The following RYR2 variants were observed in gnomAD, a reference collection of about 807,000 sequenced individuals.
RYR2 encodes the protein cardiac muscle ryanodine receptor-calcium release channel.
RYR2 carries 227 observed loss-of-function variants against 601.1 expected under a neutral mutation model. The ratio of observed to expected loss-of-function variants is 0.38; its 90% CI spans 0.34 to 0.42. The LOEUF is 0.42. Ranked by LOEUF, RYR2 falls within the 10% of genes least tolerant of loss-of-function variation. The pLI is 1.00. For synonymous variants in RYR2, 2,223 were observed against 2,175.1 expected (o/e 1.02, Z -0.61); for missense variants, 4,646 against 6,156.5 (o/e 0.75, Z 8.21).
At chr1:237,687,743 T>C (rs1686559344) in intron 63 of RYR2, among the ~76,000 whole-genome samples, 2 of 152,192 alleles carry the variant, frequency 1.3e-5, no homozygotes, top group African/African-American at 2.4e-5. Flanking sequence ...AAAAGACTAT[T>C]ATTAAAGAGC....
intron 29 of RYR2, among the ~76,000 whole-genome samples, chr1:237,585,448 C>T (rs893061138): frequency 1.3e-5 from 2 of 152,130 alleles, no homozygotes; most frequent in African/African-American, 4.8e-5. Context: ...CTCTTCATTA[C>T]GCAGGATACT....
intron 86 of RYR2, among the ~76,000 whole-genome samples, chr1:237,773,160 C>T (rs1372289658): frequency 2.0e-5 from 3 of 152,114 alleles, no homozygotes; most frequent in African/African-American, 7.2e-5. Context: ...AAGATTGTTC[C>T]ATGATTCATC....
At chr1:237,170,463 C>G (rs1418267330) in intron 1 of RYR2, among the ~76,000 whole-genome samples, 4 of 152,220 alleles carry the variant, frequency 2.6e-5, no homozygotes, top group Non-Finnish European at 4.4e-5. Context: ...TCCTCCGTCT[C>G]TGCCAGGTGG....
At chr1:237,393,534 C>G (rs546433196) in intron 10 of RYR2, among the ~76,000 whole-genome samples, 55 of 152,280 alleles carry the variant, frequency 3.6e-4, no homozygotes, top group African/African-American at 1.3e-3. Flanking sequence ...CCTTTGGCCA[C>G]CACCTAGGAG....
intron 1 of RYR2, among the ~76,000 whole-genome samples, chr1:237,229,141 G>C (rs954477621): frequency 6.6e-6 from 1 of 152,168 alleles, no homozygotes; most frequent in Non-Finnish European, 1.5e-5. Flanking sequence ...TCTTCTCCAG[G>C]AAAGGAGAGA....
intron 1 of RYR2, among the ~76,000 whole-genome samples, chr1:237,191,475 ATT>A (rs1175395117): frequency 6.6e-6 from 1 of 150,478 alleles, no homozygotes; most frequent in African/African-American, 2.4e-5. Context: ...TAGGAATTGC[ATT>A]GAGTCTTGAC....
intron 35 of RYR2, among the ~76,000 whole-genome samples, chr1:237,608,998 C>T (rs968262497): frequency 6.6e-6 from 1 of 151,672 alleles, no homozygotes; most frequent in Non-Finnish European, 1.5e-5. Context: ...TTTCTCTCTT[C>T]TTCTCTTCTC....
chr1:237,820,578 C>G (rs1307093420), intron 101 of RYR2, among the ~76,000 whole-genome samples: 1 of 152,188 alleles, frequency 6.6e-6, no homozygotes, highest in East Asian at 1.9e-4. Context: ...CCCTGGGTTT[C>G]AAGCACAAAA....
chr1:237,649,783 C>A (rs1187870020), intron 49 of RYR2, 94 bp from the exon 50 acceptor site: 1 of 1,008,572 alleles, frequency 9.9e-7, no homozygotes, highest in Non-Finnish European at 1.5e-6. Flanking sequence ...CTATCATCTT[C>A]CGGATAGTGA....
intron 1 of RYR2, among the ~76,000 whole-genome samples, chr1:237,146,369 A>G (rs770989731): frequency 2.0e-5 from 3 of 152,194 alleles, no homozygotes; most frequent in Non-Finnish European, 4.4e-5. Flanking sequence ...AATTTAGCGT[A>G]TGGTTTGTGT....
chr1:237,666,422 G>A (rs1402703066), intron 56 of RYR2, 90 bp from the exon 57 acceptor site: 1 of 1,119,426 alleles, frequency 8.9e-7, no homozygotes, highest in African/African-American at 1.6e-5. Context: ...CACTATGTTT[G>A]GAAATTTGTG....
chr1:237,721,701 A>G (rs1689730481), intron 73 of RYR2, among the ~76,000 whole-genome samples: 1 of 151,886 alleles, frequency 6.6e-6, no homozygotes, highest in Admixed American at 6.6e-5. Context: ...TGTATTTTTA[A>G]TCGAGAAGAG....
intron 67 of RYR2, among the ~76,000 whole-genome samples, chr1:237,705,617 A>T (rs1688303813): frequency 6.6e-6 from 1 of 152,048 alleles, no homozygotes; most frequent in South Asian, 2.1e-4. Context: ...TGATTGTGAG[A>T]GCTCCTAGAG....
intron 1 of RYR2, among the ~76,000 whole-genome samples, chr1:237,057,388 C>G (rs957059152): frequency 1.3e-5 from 2 of 151,964 alleles, no homozygotes; most frequent in East Asian, 1.9e-4. Context: ...GGTTTCGCCA[C>G]GTTAGCCAGG....
intron 12 of RYR2, among the ~76,000 whole-genome samples, chr1:237,435,597 G>A (rs952977559): frequency 6.6e-6 from 1 of 152,146 alleles, no homozygotes; most frequent in Non-Finnish European, 1.5e-5. Flanking sequence ...TTCAGTTATA[G>A]TTGTATGCTG....
intron 1 of RYR2, among the ~76,000 whole-genome samples, chr1:237,232,759 T>C (rs1378824905): frequency 6.6e-6 from 1 of 152,046 alleles, no homozygotes; most frequent in African/African-American, 2.4e-5. Context: ...TAAATAGCAT[T>C]AGAATTGAAT....
intron 1 of RYR2, among the ~76,000 whole-genome samples, chr1:237,251,862 G>A (rs1687498057): frequency 6.6e-6 from 1 of 151,942 alleles, no homozygotes; most frequent in Non-Finnish European, 1.5e-5. Context: ...CCCCATTTCG[G>A]TACATGGTAC....
chr1:237,635,018 T>C (rs1680731368), intron 44 of RYR2, 26 bp downstream of exon 44: 4 of 1,419,940 alleles, frequency 2.8e-6, no homozygotes, highest in Non-Finnish European at 3.8e-6. Context: ...GCCCTGTGTG[T>C]TTGTCTGAAT....
At chr1:237,744,633 G>A (rs1334697172) in intron 80 of RYR2, among the ~76,000 whole-genome samples, 1 of 151,566 alleles carries the variant, frequency 6.6e-6, no homozygotes, top group Non-Finnish European at 1.5e-5. Flanking sequence ...TCCAGCCTGG[G>A]CGACAAGAGT....
Sources: gnomAD v4.1 joint callset for allele counts (sites outside exome capture counted in the v4.1 genomes callset) on GRCh38, gnomAD v4.1.1 for gene constraint, MANE v1.5 for transcripts, NCBI Gene and HGNC (gene_info 2026-07-23, HGNC 2026-07-21) for gene names.